The following DPYD variants were observed in gnomAD, a reference collection of about 807,000 sequenced individuals.
DPYD encodes the protein dihydropyrimidine dehydrogenase, also known as dihydropyrimidine dehydrogenase [NADP(+)].
DPYD carries 109 observed loss-of-function variants against 116.2 expected under a neutral mutation model. The ratio of observed to expected loss-of-function variants is 0.94; its 90% CI spans 0.80 to 1.10. DPYD has a LOEUF of 1.10. Ranked by LOEUF, DPYD falls within the 50% of genes least tolerant of loss-of-function variation. DPYD has a pLI of 0.00. For missense variants in DPYD, 1,302 were observed against 1,254.5 expected (o/e 1.04, Z -0.57); for synonymous variants, 440 against 432.0 (o/e 1.02, Z -0.23).
intron 16 of DPYD, among the ~76,000 whole-genome samples, chr1:97,331,771 G>GT (rs1669022062): frequency 6.6e-6 from 1 of 152,078 alleles, no homozygotes; most frequent in Non-Finnish European, 1.5e-5. Context: ...AAAGAATAGT[G>GT]TTTTTGTTGT....
intron 18 of DPYD, among the ~76,000 whole-genome samples, chr1:97,297,834 G>A (rs910827346): frequency 1.3e-5 from 2 of 152,162 alleles, no homozygotes; most frequent in Admixed American, 6.5e-5. Context: ...AATCGAGAAC[G>A]TAATTTTATC....
At chr1:97,287,428 C>G (rs942157161) in intron 18 of DPYD, among the ~76,000 whole-genome samples, 3 of 152,250 alleles carry the variant, frequency 2.0e-5, no homozygotes, top group Admixed American at 1.3e-4. Flanking sequence ...TCTCCAGCTG[C>G]GTGCTGGGAG....
rs190414465 is a variant in DPYD at position 97,524,390 on chromosome 1, T to C, written c.1525-8449A>G. On this transcript the variant is annotated intron_variant, in intron 12 of 22. Coordinates refer to ENST00000370192, the MANE Select transcript of DPYD (RefSeq NM_000110.4). ...AGTTGGAGCTAGATAAACTTTAGGATATTTTCCAAGCCCTAATTCCATGAC... is the reference window on the plus strand; with the variant it reads ...AGTTGGAGCTAGATAAACTTTAGGACATTTTCCAAGCCCTAATTCCATGAC... Among the ~76,000 whole-genome samples, 47 of 152,312 alleles carry C rather than the reference T, an allele frequency of 3.1e-4. No individual in the cohort carries two copies. In the East Asian group the frequency reaches 8.3e-3, roughly 27 times the overall value.
chr1:97,184,156 C>T (rs1271390610), intron 20 of DPYD, among the ~76,000 whole-genome samples: 2 of 152,044 alleles, frequency 1.3e-5, no homozygotes, highest in African/African-American at 4.8e-5. Flanking sequence ...TTTCTTTATC[C>T]AATCTGTCAC....
chr1:97,517,442 A>G (rs1203990970), intron 12 of DPYD, among the ~76,000 whole-genome samples: 1 of 152,158 alleles, frequency 6.6e-6, no homozygotes, highest in Non-Finnish European at 1.5e-5. Context: ...AAAGTCAGTT[A>G]GCAGTAAACC....
intron 11 of DPYD, among the ~76,000 whole-genome samples, chr1:97,555,490 C>T (rs753494726): frequency 1.3e-5 from 2 of 152,058 alleles, no homozygotes; most frequent in African/African-American, 4.8e-5. Context: ...GGCCTTCCCA[C>T]CTCATGATTT....
At chr1:97,595,188 A>G (rs531988396) in intron 8 of DPYD, 22 bp from the exon 9 acceptor site, 62 of 1,597,126 alleles carry the variant, frequency 3.9e-5, no homozygotes, top group Admixed American at 2.3e-4. Flanking sequence ...AATTTATAAA[A>G]TATCATTAGC....
chr1:97,287,836 CCT>C (rs1385025790), intron 18 of DPYD, among the ~76,000 whole-genome samples: 1 of 152,008 alleles, frequency 6.6e-6, no homozygotes, highest in Admixed American at 6.6e-5. Flanking sequence ...ATCTGTCACC[CCT>C]TTCTTTGACT....
At chr1:97,414,112 A>G (rs1674160237) in intron 14 of DPYD, among the ~76,000 whole-genome samples, 1 of 152,190 alleles carries the variant, frequency 6.6e-6, no homozygotes, top group Non-Finnish European at 1.5e-5. Flanking sequence ...ACAAAACAAA[A>G]AAACTAAAAG....
At position 97,870,015 on chromosome 1, in the gene DPYD, A is replaced by G. The variant is rs72979765; in HGVS notation, c.150+13249T>C. On this transcript the variant is annotated intron_variant, in intron 2 of 22. Transcript: ENST00000370192. ...AAGGAAAAGGTTTTTCTTCCCCTACATACATTACACATAAATGTAGTATAT... is the reference window on the plus strand; with the variant it reads ...AAGGAAAAGGTTTTTCTTCCCCTACGTACATTACACATAAATGTAGTATAT... Among the ~76,000 whole-genome samples the G allele has an allele frequency of 9.3e-3, 1,418 of 151,966 alleles. 30 individuals are homozygous for G. The highest frequency in any genetic ancestry group is 0.032 in the African/African-American group (1,319 of 41,522).
At chr1:97,337,515 G>C (rs540161860) in intron 16 of DPYD, among the ~76,000 whole-genome samples, 1 of 152,146 alleles carries the variant, frequency 6.6e-6, no homozygotes, top group South Asian at 2.1e-4. Flanking sequence ...CATTCACCTA[G>C]GCCTCCTAAG....
At chr1:97,823,315 C>T (rs530155634) in intron 3 of DPYD, among the ~76,000 whole-genome samples, 2 of 152,208 alleles carry the variant, frequency 1.3e-5, no homozygotes, top group Non-Finnish European at 2.9e-5. Context: ...CCACCATACC[C>T]GGCTAATTTT....
chr1:97,302,020 GT>G (rs533678059), intron 18 of DPYD, among the ~76,000 whole-genome samples: 3 of 151,984 alleles, frequency 2.0e-5, no homozygotes, highest in Non-Finnish European at 4.4e-5. Context: ...TGAGATTAGG[GT>G]TTTTTTCCAA....
intron 20 of DPYD, among the ~76,000 whole-genome samples, chr1:97,121,242 C>T (rs892995960): frequency 5.3e-5 from 8 of 152,104 alleles, no homozygotes; most frequent in African/African-American, 1.7e-4. Flanking sequence ...GAAATTGTTT[C>T]TTCAAGCCTT....
chr1:97,500,206 A>C (rs1023886188), intron 13 of DPYD, among the ~76,000 whole-genome samples: 18 of 152,104 alleles, frequency 1.2e-4, no homozygotes, highest in Admixed American at 9.8e-4. Flanking sequence ...AATTCATCAA[A>C]CACCACTCAC....
intron 14 of DPYD, among the ~76,000 whole-genome samples, chr1:97,389,390 C>T (rs1053557446): frequency 1.3e-5 from 2 of 150,296 alleles, no homozygotes; most frequent in African/African-American, 4.9e-5. Flanking sequence ...GTCAAAAAGG[C>T]AGATATTTAA....
Position 97,444,832 on chromosome 1 carries a change from A to C in DPYD, c.1905+5227T>G, listed in dbSNP as rs187281653. Among the ~76,000 whole-genome samples the C allele has an allele frequency of 1.2e-4, 19 of 152,318 alleles. No individual in the cohort carries two copies. In the East Asian group the frequency reaches 3.5e-3, roughly 28 times the overall value. On this transcript the variant is annotated intron_variant, in intron 14 of 22. Transcript: ENST00000370192. ...ATACAGAAATCCATAAACTTGGGTGAGAAAACATTTAGACTTTTATTTTTA... is the reference window on the plus strand; with the variant it reads ...ATACAGAAATCCATAAACTTGGGTGCGAAAACATTTAGACTTTTATTTTTA...
chr1:97,310,344 A>G (rs1667429950), intron 16 of DPYD, among the ~76,000 whole-genome samples: 2 of 151,780 alleles, frequency 1.3e-5, no homozygotes, highest in Admixed American at 1.3e-4. Context: ...CTTTCCCATT[A>G]TCATGTCCTA....
intron 20 of DPYD, among the ~76,000 whole-genome samples, chr1:97,143,019 T>A (rs1654342628): frequency 6.6e-6 from 1 of 151,986 alleles, no homozygotes; most frequent in Non-Finnish European, 1.5e-5. Flanking sequence ...CTTTCAGAAA[T>A]GTCTGGTAAT....
Sources: gnomAD v4.1 joint callset for allele counts (sites outside exome capture counted in the v4.1 genomes callset) on GRCh38, gnomAD v4.1.1 for gene constraint, MANE v1.5 for transcripts, NCBI Gene and HGNC (gene_info 2026-07-23, HGNC 2026-07-21) for gene names.